SLC35D2: variants seen among roughly 807,000 people sequenced by gnomAD.
The protein encoded by SLC35D2 is nucleotide sugar transporter SLC35D2.
Under a neutral mutation model 41.8 loss-of-function variants are expected in SLC35D2, and 43 were observed. The observed-to-expected ratio is 1.03, with a 90% CI of 0.81 to 1.33. SLC35D2 has a LOEUF of 1.33. Ranked by LOEUF, SLC35D2 falls within the 40% of genes most tolerant of loss-of-function variation. The pLI is 0.00. For missense variants in SLC35D2, 380 were observed against 408.4 expected (o/e 0.93, Z 0.60); for synonymous variants, 150 against 163.9 (o/e 0.92, Z 0.65).
chr9:96,361,977 A>G lies in SLC35D2; in HGVS notation c.280-1756T>C, dbSNP rs543189746. Among the ~76,000 whole-genome samples the G allele has an allele frequency of 3.9e-5, 6 of 152,330 alleles. No homozygotes were observed. The South Asian group carries it at 1.2e-3, about 32-fold the overall frequency. On this transcript the variant is annotated intron_variant, in intron 3 of 11. Coordinates refer to ENST00000253270, the MANE Select transcript of SLC35D2 (RefSeq NM_007001.3). ...TGTACGCCAGGGTCCAACTAGAAGC[A>G]TGTTCAGAGTGGTACTTTTTATTTT...
At chr9:96,335,994 A>G (rs1417588871) in intron 9 of SLC35D2, among the ~76,000 whole-genome samples, 4 of 151,440 alleles carry the variant, frequency 2.6e-5, no homozygotes, top group African/African-American at 7.3e-5. Flanking sequence ...AGGTTGCAGT[A>G]AGCCAAGATT....
At chr9:96,350,248 G>A (rs1829754494) in intron 6 of SLC35D2, among the ~76,000 whole-genome samples, 1 of 151,086 alleles carries the variant, frequency 6.6e-6, no homozygotes. Flanking sequence ...ATTGCTCACT[G>A]CAACCTCAAA....
intron 8 of SLC35D2, among the ~76,000 whole-genome samples, chr9:96,338,752 C>A (rs938356064): frequency 4.0e-5 from 6 of 151,880 alleles, no homozygotes; most frequent in African/African-American, 1.5e-4. Context: ...TTCCAGCAAG[C>A]CCCAAGCTAA....
In SLC35D2 at chr9:96,368,310, A is replaced by T; in HGVS notation, c.159-5T>A. 1 of 1,606,364 alleles carries T rather than the reference A, an allele frequency of 6.2e-7. No individual in the cohort carries two copies. The highest frequency in any genetic ancestry group is 8.5e-7 in the Non-Finnish European group (1 of 1,175,104). On this transcript the variant is annotated splice_polypyrimidine_tract_variant and splice_region_variant and intron_variant, in intron 1 of 11. Transcript: ENST00000253270. ...AGGAAAATTGGTGACGGGAAACTAC[A>T]AAGGACACAGAACAACAAATCAGTT... is the stretch of plus-strand genomic sequence containing the variant.
intron 1 of SLC35D2, among the ~76,000 whole-genome samples, chr9:96,368,832 T>G (rs778167239): frequency 1.3e-5 from 2 of 151,922 alleles, no homozygotes; most frequent in Non-Finnish European, 2.9e-5. Flanking sequence ...TGGCACGATC[T>G]CAGCTCACTG....
chr9:96,342,124 T>C (rs1209644773), intron 8 of SLC35D2, among the ~76,000 whole-genome samples: 1 of 152,032 alleles, frequency 6.6e-6, no homozygotes, highest in South Asian at 2.1e-4. Flanking sequence ...TTTTCCTTTT[T>C]TTTTGAGATG....
chr9:96,370,451 G>A (rs1463235544), intron 1 of SLC35D2, among the ~76,000 whole-genome samples: 1 of 152,156 alleles, frequency 6.6e-6, no homozygotes, highest in African/African-American at 2.4e-5. Flanking sequence ...GAGGTCAGGA[G>A]TTCGAGGCCA....
intron 10 of SLC35D2, among the ~76,000 whole-genome samples, 199 bp from the exon 11 acceptor site, chr9:96,322,279 G>C (rs1006426088): frequency 6.6e-6 from 1 of 152,160 alleles, no homozygotes; most frequent in Non-Finnish European, 1.5e-5. Context: ...AATACTTTAG[G>C]AGGCCAAAGT....
chr9:96,320,095 T>C (rs55956918), downstream of SLC35D2, among the ~76,000 whole-genome samples: 11,567 of 152,246 alleles, frequency 0.076, 1,162 homozygotes, highest in African/African-American at 0.22. Context: ...CCTATCCATT[T>C]GGGCCTCCTT....
chr9:96,381,923 C>T (rs769490819), intron 1 of SLC35D2, among the ~76,000 whole-genome samples: 2 of 152,142 alleles, frequency 1.3e-5, no homozygotes, highest in Non-Finnish European at 1.5e-5. Flanking sequence ...CTCACTTCTA[C>T]CTGGAATGCT....
In SLC35D2 at chr9:96,364,538, TG is replaced by T. The variant is rs1211667431; in HGVS notation, c.204del (p.Ile69Ter). 1 of 1,602,864 alleles carries T rather than the reference TG, an allele frequency of 6.2e-7. No individual in the cohort carries two copies. The highest frequency in any genetic ancestry group is 8.5e-7 in the Non-Finnish European group (1 of 1,171,556). ...IFLGIGQMAA[T>X]IMILYVSKLN... Reference sequence around the variant, plus strand: ...AGCTTGGACACATATAGTATCATTATGGTGGCTGCCATCTGAAGAAAAGGGG... The same window carrying T: ...AGCTTGGACACATATAGTATCATTATGTGGCTGCCATCTGAAGAAAAGGGG... On this transcript the variant is annotated frameshift_variant, in exon 3 of 12. Coordinates refer to ENST00000253270, the MANE Select transcript of SLC35D2 (RefSeq NM_007001.3). LOFTEE classifies it high-confidence loss of function.
intron 10 of SLC35D2, among the ~76,000 whole-genome samples, chr9:96,322,350 C>G (rs1242310032): frequency 6.6e-6 from 1 of 152,072 alleles, no homozygotes; most frequent in Non-Finnish European, 1.5e-5. Context: ...GAGATCCCAT[C>G]TCTACAAAAA....
At chr9:96,323,532 C>A (rs1304651157) in intron 10 of SLC35D2, among the ~76,000 whole-genome samples, 2 of 152,142 alleles carry the variant, frequency 1.3e-5, no homozygotes, top group Non-Finnish European at 2.9e-5. Context: ...TTCATTTTCC[C>A]AGACCCACCC....
intron 6 of SLC35D2, chr9:96,350,888 G>A (rs1461809836): frequency 2.2e-6 from 1 of 450,204 alleles, no homozygotes; most frequent in Non-Finnish European, 4.0e-6. Flanking sequence ...ATCTTGCAAT[G>A]CTCTCTTCAT....
chr9:96,325,808 A>G (rs892307345), intron 9 of SLC35D2, among the ~76,000 whole-genome samples: 1 of 152,258 alleles, frequency 6.6e-6, no homozygotes, highest in African/African-American at 2.4e-5. Context: ...ATTTAATTCT[A>G]GAATCCTGCT....
chr9:96,346,312 T>C (rs1829571957), intron 6 of SLC35D2, among the ~76,000 whole-genome samples: 1 of 152,136 alleles, frequency 6.6e-6, no homozygotes, highest in Non-Finnish European at 1.5e-5. Context: ...GAAAGAGGAT[T>C]TGGGCTTCAA....
chr9:96,372,103 C>T (rs1343821653), intron 1 of SLC35D2, among the ~76,000 whole-genome samples: 1 of 152,152 alleles, frequency 6.6e-6, no homozygotes, highest in Non-Finnish European at 1.5e-5. Flanking sequence ...CCAGCATGAC[C>T]CGAGCTGTGG....
chr9:96,370,661 A>C (rs1830639812), intron 1 of SLC35D2, among the ~76,000 whole-genome samples: 1 of 152,214 alleles, frequency 6.6e-6, no homozygotes, highest in South Asian at 2.1e-4. Flanking sequence ...TGTCTCCAAA[A>C]AATAAAAAAA....
At chr9:96,324,608 AGTG>A (rs1426105546) in intron 9 of SLC35D2, among the ~76,000 whole-genome samples, 1 of 138,212 alleles carries the variant, frequency 7.2e-6, no homozygotes, top group Non-Finnish European at 1.5e-5. Flanking sequence ...GCTGCAGTGC[AGTG>A]GTGCAATCTC....
Sources: gnomAD v4.1 joint callset for allele counts (sites outside exome capture counted in the v4.1 genomes callset) on GRCh38, gnomAD v4.1.1 for gene constraint, MANE v1.5 for transcripts, NCBI Gene and HGNC (gene_info 2026-07-23, HGNC 2026-07-21) for gene names.